The following PLCG2 variants were observed in gnomAD, a reference collection of about 807,000 sequenced individuals.
The protein encoded by PLCG2 is phospholipase C gamma 2.
In PLCG2, 69 loss-of-function variants were observed where a neutral mutation model predicts 175.6. The ratio of observed to expected loss-of-function variants is 0.39; its 90% CI spans 0.32 to 0.48. The LOEUF is 0.48. Ranked by LOEUF, PLCG2 falls within the 20% of genes least tolerant of loss-of-function variation. The probability of loss-of-function intolerance (pLI) is 0.91; values close to 1 mark genes in which losing one functional copy is unlikely to be tolerated. For synonymous variants in PLCG2, 827 were observed against 624.0 expected, an observed-to-expected ratio of 1.33 and a Z score of -4.85; for missense variants, 1,798 against 1,650.9, an observed-to-expected ratio of 1.09 and a Z score of -1.54.
chr16:81,908,530 G>C lies in PLCG2; in HGVS notation c.1672G>C (p.Asp558His). ...QEYCMETGGK[D>H]GTFLVRESET... ...ATACTGCATGGAGACGGGGGGCAAG[G>C]ATGGCACCTTCCTGGTTCGGGAGAG... is the stretch of plus-strand genomic sequence containing the variant. The change falls in exon 17 of 33, where the codon GAT becomes CAT. Residue 558 changes from aspartate to histidine, a missense_variant. Asp to His is a moderately conservative substitution (Grantham distance 81). Coordinates refer to ENST00000564138, the MANE Select transcript of PLCG2 (RefSeq NM_002661.5). 1.2e-6 allele frequency: 2 copies of C among 1,613,756 alleles called. No homozygotes were observed. Among genetic ancestry groups the C allele is most frequent in the Non-Finnish European group, 1.7e-6 (2 of 1,180,002 alleles).
chr16:81,893,654 C>A (rs1372372030), intron 11 of PLCG2, 55 bp from the exon 12 acceptor site: 9 of 1,071,328 alleles, frequency 8.4e-6, no homozygotes, highest in East Asian at 2.4e-5. Flanking sequence ...GCAGGCTTGC[C>A]CCCCAACCCC....
At chr16:81,781,412 TG>T (rs1910726081) in intron 1 of PLCG2, among the ~76,000 whole-genome samples, 1 of 44,082 alleles carries the variant, frequency 2.3e-5, no homozygotes, top group Admixed American at 2.6e-4. Flanking sequence ...AGTTGTTTTC[TG>T]TTTTTTTTTC....
At chr16:81,770,241 C>T (rs1910247899) in intron 2 of PLCG2, among the ~76,000 whole-genome samples, 1 of 152,122 alleles carries the variant, frequency 6.6e-6, no homozygotes, top group African/African-American at 2.4e-5. Context: ...CAGGACTCGC[C>T]TGGGTGCTGC....
At chr16:81,883,870 G>C (rs959204842) in intron 9 of PLCG2, among the ~76,000 whole-genome samples, 1 of 152,216 alleles carries the variant, frequency 6.6e-6, no homozygotes, top group African/African-American at 2.4e-5. Flanking sequence ...AGACTCAAGG[G>C]GGGGTTGTGT....
intron 20 of PLCG2, among the ~76,000 whole-genome samples, chr16:81,920,142 T>G (rs937000782): frequency 6.6e-6 from 1 of 152,104 alleles, no homozygotes; most frequent in Non-Finnish European, 1.5e-5. Flanking sequence ...TAGAGCTAAA[T>G]AAGGATGAGG....
At chr16:81,948,112 T>A (rs1391318853) in intron 31 of PLCG2, among the ~76,000 whole-genome samples, 3 of 135,984 alleles carry the variant, frequency 2.2e-5, no homozygotes, top group Admixed American at 7.2e-5. Context: ...CTTCATGTAA[T>A]ATTTTCTGAT....
Position 81,922,985 on chromosome 16 carries a change from C to G in PLCG2, c.2308-500C>G, listed in dbSNP as rs8050597. 3.0e-3 allele frequency among the ~76,000 whole-genome samples: 462 copies of G among 152,236 alleles called. 4 individuals carry two copies. The highest frequency in any genetic ancestry group is 0.011 in the African/African-American group (443 of 41,534). On this transcript the variant is annotated intron_variant, in intron 21 of 32. Transcript: ENST00000564138. ...CTGCAGGAGTGTAGATAGGGGACTG[C>G]TGACCTACAAAAACAGAGCAATGAG...
intron 2 of PLCG2, among the ~76,000 whole-genome samples, chr16:81,804,274 G>A (rs1427971370): frequency 1.3e-5 from 2 of 152,192 alleles, no homozygotes; most frequent in East Asian, 1.9e-4. Context: ...TGTCATTGTG[G>A]TTCTGATTTG....
chr16:81,799,666 C>T (rs1054287107), intron 2 of PLCG2, among the ~76,000 whole-genome samples: 5 of 148,256 alleles, frequency 3.4e-5, no homozygotes, highest in African/African-American at 1.0e-4. Context: ...CATCTTGGCT[C>T]ACTGCAAGCT....
At chr16:81,794,753 A>G (rs535027303) in intron 2 of PLCG2, among the ~76,000 whole-genome samples, 1 of 152,246 alleles carries the variant, frequency 6.6e-6, no homozygotes, top group Non-Finnish European at 1.5e-5. Flanking sequence ...CGTTGATGTC[A>G]TCATTATCAT....
chr16:81,860,180 T>A (rs896880907), intron 5 of PLCG2, among the ~76,000 whole-genome samples: 89 of 147,086 alleles, frequency 6.1e-4, no homozygotes, highest in South Asian at 4.9e-3. Flanking sequence ...TTATTTTTTT[T>A]TTTTTTTGTA....
Position 81,746,280 on chromosome 16 carries a change from G to A in PLCG2, c.-145+6895G>A, listed in dbSNP as rs538013245. Among the ~76,000 whole-genome samples, 8 of 152,340 alleles carry A rather than the reference G, an allele frequency of 5.3e-5. No individual in the cohort carries two copies. The East Asian group carries it at 1.5e-3, about 29-fold the overall frequency. On this transcript the variant is annotated intron_variant, in intron 1 of 5. Coordinates refer to the PLCG2 transcript ENST00000565054. ...TACTCGTGACACGTGGGGGTCCGCC[G>A]CCGCCACTGGCAGGGTGCCTTGAGT...
intron 32 of PLCG2, among the ~76,000 whole-genome samples, chr16:81,957,193 G>A (rs1911608656): frequency 6.6e-6 from 1 of 152,130 alleles, no homozygotes; most frequent in African/African-American, 2.4e-5. Flanking sequence ...CAGCTACTTG[G>A]GAGGCTGAGG....
At chr16:81,813,537 G>A (rs1312261936) in intron 2 of PLCG2, among the ~76,000 whole-genome samples, 1 of 152,204 alleles carries the variant, frequency 6.6e-6, no homozygotes, top group Non-Finnish European at 1.5e-5. Flanking sequence ...AGACTCTGCT[G>A]AAATTGCTTA....
At chr16:81,778,975 T>C (rs1434817073), upstream of PLCG2, among the ~76,000 whole-genome samples, 1 of 151,926 alleles carries the variant, frequency 6.6e-6, no homozygotes, top group Non-Finnish European at 1.5e-5. Context: ...GTGTGTTAAG[T>C]ATACGGCAAA....
intron 2 of PLCG2, among the ~76,000 whole-genome samples, chr16:81,832,144 C>T (rs982297564): frequency 6.6e-6 from 1 of 152,026 alleles, no homozygotes; most frequent in African/African-American, 2.4e-5. Context: ...CTGTGGCACT[C>T]AAATGAGGAA....
At chr16:81,781,795 C>G (rs1437609731) in intron 1 of PLCG2, among the ~76,000 whole-genome samples, 3 of 152,196 alleles carry the variant, frequency 2.0e-5, no homozygotes, top group Admixed American at 6.5e-5. Context: ...TTACCATGCA[C>G]AGAGCACTGA....
chr16:81,830,352 C>A (rs1465199991), intron 2 of PLCG2, among the ~76,000 whole-genome samples: 1 of 152,110 alleles, frequency 6.6e-6, no homozygotes, highest in Non-Finnish European at 1.5e-5. Flanking sequence ...GTGGCCCAGG[C>A]TGGAGGGCAG....
rs868087278 is a variant in PLCG2 at position 81,759,897 on chromosome 16, C to T, written c.-48+3931C>T. Among the ~76,000 whole-genome samples, 29 of 152,260 alleles carry T rather than the reference C, an allele frequency of 1.9e-4. No individual in the cohort carries two copies. In the South Asian group the frequency reaches 3.5e-3, roughly 18 times the overall value. Reference sequence around the variant, plus strand: ...ATCCCAGCACTTTGGGAGGCCGAGGCGGGCAGATCACAAGGTCAGGAGATC... The same window carrying T: ...ATCCCAGCACTTTGGGAGGCCGAGGTGGGCAGATCACAAGGTCAGGAGATC... On this transcript the variant is annotated intron_variant, in intron 2 of 5. Transcript: ENST00000565054.
Sources: allele counts gnomAD v4.1 joint callset (sites outside exome capture counted in the v4.1 genomes callset), GRCh38; gene constraint gnomAD v4.1.1; transcripts MANE v1.5; gene names NCBI Gene and HGNC (gene_info 2026-07-23, HGNC 2026-07-21).